The following NFIA variants were observed in gnomAD, a reference collection of about 807,000 sequenced individuals.
NFIA encodes nuclear factor 1 A-type.
NFIA carries 8 observed loss-of-function variants against 62.8 expected under a neutral mutation model. The observed-to-expected ratio is 0.13, with a 90% CI of 0.07 to 0.23. The LOEUF (loss-of-function observed/expected upper bound fraction) is 0.23, where lower values mean the gene tolerates loss of function less well. Ranked by LOEUF, NFIA falls within the 10% of genes least tolerant of loss-of-function variation. The pLI is 1.00. For synonymous variants in NFIA, 235 were observed against 238.1 expected (o/e 0.99, Z 0.12); for missense variants, 410 against 642.1 (o/e 0.64, Z 3.91).
chr1:61,106,859 G>C (rs1482633363), intron 2 of NFIA, among the ~76,000 whole-genome samples: 1 of 150,594 alleles, frequency 6.6e-6, no homozygotes, highest in East Asian at 1.9e-4. Context: ...TAAAATAAAT[G>C]GTTTATCACT....
At chr1:61,175,286 C>A (rs1650261133) in intron 2 of NFIA, among the ~76,000 whole-genome samples, 1 of 151,994 alleles carries the variant, frequency 6.6e-6, no homozygotes, top group South Asian at 2.1e-4. Flanking sequence ...GGACTACAAG[C>A]TCGCACCACC....
At position 61,257,490 on chromosome 1, in the gene NFIA, A is replaced by C. The variant is rs546971031; in HGVS notation, c.560-20030A>C. Among the ~76,000 whole-genome samples the C allele has an allele frequency of 8.6e-5, 13 of 150,832 alleles. No individual in the cohort carries two copies. The East Asian group carries it at 2.5e-3, about 29-fold the overall frequency. ...GTAGCTGGGATTACAGGCACACATC[A>C]CCATGTCCAGCTAATTTTTGTATTT... On this transcript the variant is annotated intron_variant, in intron 2 of 10. Coordinates refer to ENST00000403491, the MANE Select transcript of NFIA (RefSeq NM_001134673.4).
intron 2 of NFIA, among the ~76,000 whole-genome samples, chr1:61,121,420 T>A (rs1320378433): frequency 2.6e-5 from 4 of 152,128 alleles, no homozygotes; most frequent in African/African-American, 4.8e-5. Context: ...GTAAAATGCG[T>A]GCACAGGAAA....
chr1:61,151,535 TC>T lies in NFIA; in HGVS notation c.559+62856del, dbSNP rs1489325800. Among the ~76,000 whole-genome samples the T allele has an allele frequency of 2.6e-5, 4 of 152,080 alleles. No individual in the cohort carries two copies. In the East Asian group the frequency reaches 7.7e-4, roughly 29 times the overall value. Reference sequence around the variant, plus strand: ...CAGAGTCTTAGAAAGGGAGAAGAAATCAGGGAAAAGGAGAAAAGAAGGAATG... The same window carrying T: ...CAGAGTCTTAGAAAGGGAGAAGAAATAGGGAAAAGGAGAAAAGAAGGAATG... On this transcript the variant is annotated intron_variant, in intron 2 of 10. Coordinates refer to ENST00000403491, the MANE Select transcript of NFIA (RefSeq NM_001134673.4).
At chr1:61,277,969 A>G (rs1232168683) in intron 3 of NFIA, among the ~76,000 whole-genome samples, 1 of 152,124 alleles carries the variant, frequency 6.6e-6, no homozygotes, top group African/African-American at 2.4e-5. Context: ...CCCCATGATC[A>G]TCTTCACTAG....
At chr1:61,387,614 C>T (rs1324408434) in intron 7 of NFIA, among the ~76,000 whole-genome samples, 4 of 152,072 alleles carry the variant, frequency 2.6e-5, no homozygotes, top group Non-Finnish European at 5.9e-5. Context: ...ACTCCACCAA[C>T]CTCATCTGGC....
At chr1:61,140,966 T>TTTTTC (rs1647468117) in intron 2 of NFIA, among the ~76,000 whole-genome samples, 3 of 10,092 alleles carry the variant, frequency 3.0e-4, no homozygotes, top group Non-Finnish European at 1.2e-3. Context: ...CACAGCTGGG[T>TTTTTC]TTTTTTTTTT....
At chr1:61,128,670 C>A (rs907058868) in intron 2 of NFIA, among the ~76,000 whole-genome samples, 1 of 152,064 alleles carries the variant, frequency 6.6e-6, no homozygotes, top group Non-Finnish European at 1.5e-5. Context: ...ATTAGCATAA[C>A]CCCGATCACA....
rs565365978 is a variant in NFIA at position 61,169,391 on chromosome 1, A to G, written c.559+80711A>G. Among the ~76,000 whole-genome samples, 105 of 152,284 alleles carry G rather than the reference A, an allele frequency of 6.9e-4. 2 individuals carry two copies. The South Asian group carries it at 0.02, about 29-fold the overall frequency. On this transcript the variant is annotated intron_variant, in intron 2 of 10. Coordinates refer to ENST00000403491, the MANE Select transcript of NFIA (RefSeq NM_001134673.4). ...ATTCTCTTAGTTTGTCCCCCCAAGG[A>G]ATGCTCTTCTTTCCATCCTCACATC...
intron 2 of NFIA, among the ~76,000 whole-genome samples, chr1:61,259,786 T>G (rs987323732): frequency 6.6e-6 from 1 of 152,234 alleles, no homozygotes; most frequent in African/African-American, 2.4e-5. Context: ...CGAAATCTTT[T>G]CAAATATTTG....
chr1:61,143,762 T>G (rs190675678), intron 2 of NFIA, among the ~76,000 whole-genome samples: 27 of 152,294 alleles, frequency 1.8e-4, no homozygotes, highest in Admixed American at 1.3e-3. Context: ...AGTAGCTATA[T>G]CGAGTCTATA....
intron 6 of NFIA, among the ~76,000 whole-genome samples, chr1:61,372,199 T>C (rs17265629): frequency 6.6e-6 from 1 of 152,116 alleles, no homozygotes; most frequent in Non-Finnish European, 1.5e-5. Context: ...GAAAGGATTA[T>C]GGTGATCAAG....
At chr1:61,285,393 A>T (rs542231767) in intron 3 of NFIA, among the ~76,000 whole-genome samples, 3 of 152,340 alleles carry the variant, frequency 2.0e-5, no homozygotes, top group African/African-American at 7.2e-5. Flanking sequence ...TTAAGCCTGT[A>T]CATTATTTTT....
chr1:61,448,212 G>A (rs1185432156), intron 10 of NFIA, among the ~76,000 whole-genome samples: 4 of 152,072 alleles, frequency 2.6e-5, no homozygotes, highest in Non-Finnish European at 4.4e-5. Flanking sequence ...AGCCTTGCAA[G>A]GCAAGGGCCC....
intron 1 of NFIA, among the ~76,000 whole-genome samples, chr1:61,085,595 C>G (rs1646204991): frequency 6.6e-6 from 1 of 151,702 alleles, no homozygotes; most frequent in Non-Finnish European, 1.5e-5. Context: ...ATCATTTATG[C>G]TATTCCTGGA....
chr1:61,309,393 C>T (rs1659970823), intron 3 of NFIA, among the ~76,000 whole-genome samples: 1 of 152,038 alleles, frequency 6.6e-6, no homozygotes, highest in Non-Finnish European at 1.5e-5. Context: ...CATGATTTTT[C>T]CTTACATAAG....
At chr1:61,159,250 A>T (rs1402789664) in intron 2 of NFIA, among the ~76,000 whole-genome samples, 1 of 152,028 alleles carries the variant, frequency 6.6e-6, no homozygotes, top group Non-Finnish European at 1.5e-5. Context: ...GCCATGTTGG[A>T]AAACAAATCA....
intron 6 of NFIA, among the ~76,000 whole-genome samples, chr1:61,372,572 TTG>T (rs1297181885): frequency 4.2e-4 from 49 of 117,926 alleles, no homozygotes; most frequent in African/African-American, 1.7e-3. Flanking sequence ...TATGTCATTG[TTG>T]TTAAAAAAAA....
At chr1:61,161,267 T>A (rs1018216890) in intron 2 of NFIA, among the ~76,000 whole-genome samples, 6 of 152,178 alleles carry the variant, frequency 3.9e-5, no homozygotes, top group African/African-American at 1.4e-4. Flanking sequence ...ATCTGCAGTT[T>A]TTGTTTGTTA....
Sources: allele counts gnomAD v4.1 joint callset (sites outside exome capture counted in the v4.1 genomes callset), GRCh38; gene constraint gnomAD v4.1.1; transcripts MANE v1.5; gene names NCBI Gene and HGNC (gene_info 2026-07-23, HGNC 2026-07-21).